ZMAT4: variants seen among roughly 807,000 people sequenced by gnomAD.
The protein encoded by ZMAT4 is zinc finger matrin-type 4, also known as zinc finger matrin-type protein 4.
Under a neutral mutation model 28.7 loss-of-function variants are expected in ZMAT4, and 17 were observed. That is an observed-to-expected ratio of 0.59 (90% CI 0.41 to 0.89). The LOEUF is 0.89. Among genes scored for constraint, ZMAT4 ranks in the 40% least tolerant of loss-of-function variants. The pLI, the probability that ZMAT4 is intolerant of heterozygous loss-of-function variation, is 0.00. For missense variants in ZMAT4, 240 were observed against 283.8 expected (o/e 0.85, Z 1.11); for synonymous variants, 117 against 109.2 (o/e 1.07, Z -0.44).
intron 6 of ZMAT4, 146 bp from the exon 7 acceptor site, chr8:40,532,384 A>G (rs1460916033): frequency 1.8e-6 from 1 of 556,576 alleles, no homozygotes; most frequent in Non-Finnish European, 2.8e-6. Context: ...TGTAAAGTTA[A>G]TCTTTCAGGT....
intron 3 of ZMAT4, among the ~76,000 whole-genome samples, chr8:40,748,654 G>A (rs993910585): frequency 3.9e-5 from 6 of 152,104 alleles, no homozygotes; most frequent in South Asian, 4.1e-4. Context: ...CTTTGTATTC[G>A]TTTAGCTTCT....
intron 3 of ZMAT4, among the ~76,000 whole-genome samples, chr8:40,754,304 C>G (rs1161310279): frequency 6.6e-6 from 1 of 152,130 alleles, no homozygotes; most frequent in Non-Finnish European, 1.5e-5. Context: ...TGATCAAAGA[C>G]CCATGGCACT....
At chr8:40,741,221 G>A (rs1221521280) in intron 3 of ZMAT4, among the ~76,000 whole-genome samples, 2 of 152,104 alleles carry the variant, frequency 1.3e-5, no homozygotes, top group Non-Finnish European at 1.5e-5. Flanking sequence ...GAGGAGGGTG[G>A]ATCACCTGAG....
At chr8:40,675,024 C>T (rs935279562) in intron 4 of ZMAT4, 93 bp from the exon 5 acceptor site, 5 of 914,384 alleles carry the variant, frequency 5.5e-6, no homozygotes, top group Non-Finnish European at 8.3e-6. Context: ...GTCTCCTGTT[C>T]ACTCTAGAGC....
intron 4 of ZMAT4, among the ~76,000 whole-genome samples, chr8:40,685,371 AAGGAGGAAGTCAGTTTT>A (rs1462444091): frequency 6.6e-6 from 1 of 152,168 alleles, no homozygotes; most frequent in Admixed American, 6.5e-5. Context: ...GAGCACTGCA[AAGGAGGAAGTCAGTTTT>A]AGGGTACATA....
intron 2 of ZMAT4, among the ~76,000 whole-genome samples, chr8:40,778,224 T>C (rs1189214700): frequency 6.6e-6 from 1 of 152,224 alleles, no homozygotes; most frequent in African/African-American, 2.4e-5. Flanking sequence ...ATTCCTAGGG[T>C]GCACTTAAAA....
At chr8:40,825,008 TTTA>T (rs1362406831) in intron 2 of ZMAT4, among the ~76,000 whole-genome samples, 5 of 152,212 alleles carry the variant, frequency 3.3e-5, no homozygotes, top group Non-Finnish European at 5.9e-5. Context: ...GTGCCACTAA[TTTA>T]TGACTTTGAA....
At chr8:40,568,468 A>G (rs1803992216) in intron 6 of ZMAT4, among the ~76,000 whole-genome samples, 1 of 151,934 alleles carries the variant, frequency 6.6e-6, no homozygotes, top group Non-Finnish European at 1.5e-5. Context: ...GAACTTTGTG[A>G]GAATCCAGAA....
chr8:40,710,051 A>G (rs1810537053), intron 3 of ZMAT4, among the ~76,000 whole-genome samples: 1 of 151,640 alleles, frequency 6.6e-6, no homozygotes, highest in Admixed American at 6.6e-5. Flanking sequence ...AAAAAAAAAA[A>G]AAAGAAACAA....
intron 2 of ZMAT4, among the ~76,000 whole-genome samples, chr8:40,791,299 G>A (rs529772680): frequency 1.7e-4 from 26 of 152,298 alleles, no homozygotes; most frequent in Admixed American, 6.5e-4. Flanking sequence ...AATCATGATG[G>A]AATAAGAGGT....
At chr8:40,820,309 T>G (rs1302778228) in intron 2 of ZMAT4, among the ~76,000 whole-genome samples, 1 of 151,136 alleles carries the variant, frequency 6.6e-6, no homozygotes, top group Non-Finnish European at 1.5e-5. Flanking sequence ...TGTGCGGGTG[T>G]GGGTCTTTAT....
intron 2 of ZMAT4, among the ~76,000 whole-genome samples, chr8:40,812,411 C>G (rs1488528524): frequency 1.3e-5 from 2 of 152,178 alleles, no homozygotes; most frequent in Non-Finnish European, 2.9e-5. Flanking sequence ...AAACATCAAA[C>G]GTATCTCGGC....
At chr8:40,767,806 C>T (rs1176917647) in intron 2 of ZMAT4, 76 bp from the exon 3 acceptor site, 11 of 1,182,050 alleles carry the variant, frequency 9.3e-6, no homozygotes, top group Non-Finnish European at 1.3e-5. Context: ...CCAGTGCCCG[C>T]AAATGCAAAA....
chr8:40,543,958 C>G (rs1803119019), intron 6 of ZMAT4, among the ~76,000 whole-genome samples: 1 of 152,096 alleles, frequency 6.6e-6, no homozygotes, highest in Non-Finnish European at 1.5e-5. Flanking sequence ...CAAGACATGT[C>G]AAGCTGGGTG....
In ZMAT4 at chr8:40,592,462, G is replaced by A. The variant is rs146077338; in HGVS notation, c.578-11201C>T. 5.9e-5 allele frequency among the ~76,000 whole-genome samples: 9 copies of A among 152,270 alleles called. No homozygotes were observed. The East Asian group carries it at 1.7e-3, about 29-fold the overall frequency. Reference sequence around the variant, plus strand: ...ACTGCCTGCAGGCATGGACTGCAGGGTACCAAACAGTCGATTAAACAAAGA... The same window carrying A: ...ACTGCCTGCAGGCATGGACTGCAGGATACCAAACAGTCGATTAAACAAAGA... On this transcript the variant is annotated intron_variant, in intron 5 of 6. Transcript: ENST00000297737.
intron 1 of ZMAT4, among the ~76,000 whole-genome samples, chr8:40,859,926 A>C (rs1817430509): frequency 6.6e-6 from 1 of 152,196 alleles, no homozygotes; most frequent in South Asian, 2.1e-4. Flanking sequence ...AAATAGAGAG[A>C]AAGATGTCGA....
intron 1 of ZMAT4, among the ~76,000 whole-genome samples, chr8:40,878,269 G>A (rs575195793): frequency 2.9e-4 from 44 of 152,288 alleles, no homozygotes; most frequent in African/African-American, 1.0e-3. Flanking sequence ...TGTCCCCCCA[G>A]TCCTCACTTG....
At chr8:40,892,344 C>T (rs574763645) in intron 1 of ZMAT4, among the ~76,000 whole-genome samples, 2 of 152,258 alleles carry the variant, frequency 1.3e-5, no homozygotes, top group African/African-American at 2.4e-5. Context: ...TTCTAGAACA[C>T]ATTCCCGCCA....
chr8:40,871,564 G>C (rs915883477), intron 1 of ZMAT4, among the ~76,000 whole-genome samples: 1 of 152,236 alleles, frequency 6.6e-6, no homozygotes, highest in Non-Finnish European at 1.5e-5. Context: ...GGGCAGAAGG[G>C]AGGCAAGGGA....
Sources: gnomAD v4.1 joint callset for allele counts (sites outside exome capture counted in the v4.1 genomes callset) on GRCh38, gnomAD v4.1.1 for gene constraint, MANE v1.5 for transcripts, NCBI Gene and HGNC (gene_info 2026-07-23, HGNC 2026-07-21) for gene names.